NALF1: variants seen among roughly 807,000 people sequenced by gnomAD.
NALF1 encodes the protein family with sequence similarity 155 member A.
Under a neutral mutation model 48.4 loss-of-function variants are expected in NALF1, and 3 were observed. That is an observed-to-expected ratio of 0.06 (90% CI 0.03 to 0.16). The LOEUF is 0.16. Ranked by LOEUF, NALF1 falls within the 10% of genes least tolerant of loss-of-function variation. NALF1 has a pLI of 1.00. For synonymous variants in NALF1, 262 were observed against 245.7 expected (o/e 1.07, Z -0.62); for missense variants, 526 against 571.5 (o/e 0.92, Z 0.81).
chr13:107,748,726 T>C (rs1156377445), intron 1 of NALF1, among the ~76,000 whole-genome samples: 1 of 152,228 alleles, frequency 6.6e-6, no homozygotes, highest in African/African-American at 2.4e-5. Flanking sequence ...AAATTAAATA[T>C]GTTTAGCATA....
chr13:107,773,826 T>C (rs1245266636), intron 1 of NALF1, among the ~76,000 whole-genome samples: 2 of 151,750 alleles, frequency 1.3e-5, no homozygotes, highest in Non-Finnish European at 2.9e-5. Context: ...CATGTATACA[T>C]ATGTAACAAA....
rs376218665 is a variant in NALF1, at chr13:107,315,218, TC to T, written c.916-104464del. On this transcript the variant is annotated intron_variant, in intron 1 of 2. Transcript: ENST00000375915. ...CTTTCATTTGTATACAGTAATACAT[TC>T]TTTGTTTTCTTATAAATATAAATTT... is the stretch of plus-strand genomic sequence containing the variant. 2.7e-4 allele frequency among the ~76,000 whole-genome samples: 41 copies of T among 152,128 alleles called. 1 individual carries two copies. The highest frequency in any genetic ancestry group is 9.9e-4 in the African/African-American group (41 of 41,556).
chr13:107,200,140 T>C (rs1405350610), intron 2 of NALF1, among the ~76,000 whole-genome samples: 2 of 152,212 alleles, frequency 1.3e-5, no homozygotes, highest in African/African-American at 4.8e-5. Context: ...GTGATTAAAA[T>C]GCAGCCCAGT....
In NALF1 at chr13:107,867,272, C is replaced by CCCCCCCACCCCCCA. The variant is rs1304492305; in HGVS notation, c.-690_-677dup. ...GGCTGCCTCCGGCGGGGCGCTCCCT[C>CCCCCCCACCCCCCA]CCCCCCACCCCCCACCCCGCGCTCT... On this transcript the variant is annotated 5_prime_UTR_variant, in exon 1 of 3. Transcript: ENST00000375915. The surrounding 1 kb of genome is among the most constrained non-coding windows in gnomAD (Gnocchi z 4.4). Among the ~76,000 whole-genome samples the CCCCCCCACCCCCCA allele has an allele frequency of 9.3e-6, 1 of 107,652 alleles. No homozygotes were observed. The highest frequency in any genetic ancestry group is 2.0e-5 in the Non-Finnish European group (1 of 50,030). The allele number at this position is 107,652 out of a possible 152,430, so 70.6% of individuals were successfully genotyped here. A position where few individuals can be genotyped will look rare whatever the true frequency, so the allele number is the denominator to read the frequency against.
intron 1 of NALF1, among the ~76,000 whole-genome samples, chr13:107,217,616 T>A (rs996177195): frequency 1.3e-5 from 2 of 152,136 alleles, no homozygotes. Context: ...AACTCTAAAG[T>A]GGAATTCGGC....
At chr13:107,549,028 A>T (rs1877214724) in intron 1 of NALF1, among the ~76,000 whole-genome samples, 1 of 152,078 alleles carries the variant, frequency 6.6e-6, no homozygotes, top group Non-Finnish European at 1.5e-5. Context: ...GTGTAATATG[A>T]GCTTTTACCT....
At chr13:107,808,978 C>A (rs905071187) in intron 1 of NALF1, among the ~76,000 whole-genome samples, 24 of 152,026 alleles carry the variant, frequency 1.6e-4, no homozygotes, top group Admixed American at 8.5e-4. Flanking sequence ...GGCTAACAAA[C>A]CTTGTTTTCT....
chr13:107,796,364 T>C (rs1878424733), intron 1 of NALF1, among the ~76,000 whole-genome samples: 1 of 152,236 alleles, frequency 6.6e-6, no homozygotes, highest in Non-Finnish European at 1.5e-5. Flanking sequence ...TTGGAGGCCT[T>C]GATGTAATAC....
At chr13:107,355,440 C>T (rs1052518978) in intron 1 of NALF1, among the ~76,000 whole-genome samples, 1 of 152,090 alleles carries the variant, frequency 6.6e-6, no homozygotes, top group Non-Finnish European at 1.5e-5. Context: ...AGTATTTATT[C>T]TTGAAATTTC....
At position 107,726,105 on chromosome 13, in the gene NALF1, T is replaced by C. The variant is rs77747548; in HGVS notation, c.915+139577A>G. Among the ~76,000 whole-genome samples the C allele has an allele frequency of 1.9e-3, 295 of 152,296 alleles. 1 individual carries two copies. Among genetic ancestry groups the C allele is most frequent in the African/African-American group, 6.7e-3 (277 of 41,566 alleles). On this transcript the variant is annotated intron_variant, in intron 1 of 2. Coordinates refer to ENST00000375915, the MANE Select transcript of NALF1 (RefSeq NM_001080396.3). The stretch of plus-strand genomic sequence containing the variant: ...ACCTATTTCTCTGTCATCTAGGGCT[T>C]ACTGCCAGTTATTCAGTCTTAGTGA...
intron 1 of NALF1, among the ~76,000 whole-genome samples, chr13:107,357,297 C>A (rs974843602): frequency 6.6e-6 from 1 of 152,038 alleles, no homozygotes; most frequent in African/African-American, 2.4e-5. Flanking sequence ...GGGGAAGAGT[C>A]CCTTATAAAA....
At chr13:107,595,351 G>T (rs966168159) in intron 1 of NALF1, among the ~76,000 whole-genome samples, 1 of 152,112 alleles carries the variant, frequency 6.6e-6, no homozygotes, top group Non-Finnish European at 1.5e-5. Flanking sequence ...TGGGTTCAGG[G>T]CATCTCTTCT....
intron 1 of NALF1, among the ~76,000 whole-genome samples, chr13:107,447,519 C>T (rs1884670271): frequency 6.6e-6 from 1 of 152,214 alleles, no homozygotes. Context: ...GAGCTAGCTT[C>T]TACTGAGCTT....
At chr13:107,405,717 A>C (rs1374198713) in intron 1 of NALF1, among the ~76,000 whole-genome samples, 1 of 152,054 alleles carries the variant, frequency 6.6e-6, no homozygotes, top group Non-Finnish European at 1.5e-5. Context: ...TGAGGTCCAC[A>C]AACACCTCAA....
At chr13:107,237,323 A>T (rs1472235759) in intron 1 of NALF1, among the ~76,000 whole-genome samples, 1 of 152,172 alleles carries the variant, frequency 6.6e-6, no homozygotes, top group Non-Finnish European at 1.5e-5. Context: ...ACATTAAAGA[A>T]CTAAGTATGA....
intron 1 of NALF1, among the ~76,000 whole-genome samples, chr13:107,235,005 ATT>A (rs368359486): frequency 7.4e-4 from 113 of 152,266 alleles, no homozygotes; most frequent in African/African-American, 2.6e-3. Flanking sequence ...CTCATCTCAG[ATT>A]CATCCCCATT....
intron 1 of NALF1, among the ~76,000 whole-genome samples, chr13:107,213,230 C>CAAAAAAAAA (rs386380636): frequency 1.2e-3 from 120 of 103,286 alleles, no homozygotes; most frequent in East Asian, 2.5e-3. Flanking sequence ...TTTTTTAACT[C>CAAAAAAAAA]AAAAAAAAAA....
intron 1 of NALF1, among the ~76,000 whole-genome samples, chr13:107,750,603 GA>G (rs1442318267): frequency 1.3e-5 from 2 of 149,280 alleles, no homozygotes; most frequent in Admixed American, 1.3e-4. Context: ...AGAAAACAAA[GA>G]AGAGCAACAA....
At chr13:107,490,358 T>C (rs1885395523) in intron 1 of NALF1, among the ~76,000 whole-genome samples, 1 of 151,972 alleles carries the variant, frequency 6.6e-6, no homozygotes, top group Admixed American at 6.6e-5. Flanking sequence ...ATAAAGAAAA[T>C]ATACCATGGA....
Sources: gnomAD v4.1 joint callset for allele counts (sites outside exome capture counted in the v4.1 genomes callset) on GRCh38, gnomAD v4.1.1 for gene constraint, Gnocchi (gnomAD v3.1) non-coding constraint, MANE v1.5 for transcripts, NCBI Gene and HGNC (gene_info 2026-07-23, HGNC 2026-07-21) for gene names.